Variants in DNAI7 observed in about 807,000 individuals in gnomAD.
The protein encoded by DNAI7 is dynein axonemal intermediate chain 7.
In DNAI7, 78 loss-of-function variants were observed where a neutral mutation model predicts 86.6. The ratio of observed to expected loss-of-function variants is 0.90; its 90% CI spans 0.75 to 1.09. The LOEUF (loss-of-function observed/expected upper bound fraction) is 1.09. Ranked by LOEUF, DNAI7 falls within the 50% of genes least tolerant of loss-of-function variation. The pLI is 0.00. For missense variants in DNAI7, 753 were observed against 810.2 expected (o/e 0.93, Z 0.86); for synonymous variants, 274 against 273.0 (o/e 1.00, Z -0.04).
At chr12:25,123,160 T>C (rs1941581854) in intron 10 of DNAI7, 51 bp downstream of exon 10, 3 of 1,187,272 alleles carry the variant, frequency 2.5e-6, no homozygotes, top group South Asian at 2.8e-5. Flanking sequence ...ATTTCTTCTG[T>C]AAGAAGAAAA....
chr12:25,150,286 C>CA, intron 6 of DNAI7, among the ~76,000 whole-genome samples: 1 of 152,262 alleles, frequency 6.6e-6, no homozygotes, highest in Non-Finnish European at 1.5e-5. Context: ...ACACCTTAAC[C>CA]ATGTGATCAA....
In DNAI7 at chr12:25,166,185, C is replaced by T. The variant is rs866238263; in HGVS notation, c.22-4988G>A. ...AGGATTAAAGTCTGTTATCACTCGCCTGCTACAGCATGGCCTTTTAAAGCC... is the reference window on the plus strand; with the variant it reads ...AGGATTAAAGTCTGTTATCACTCGCTTGCTACAGCATGGCCTTTTAAAGCC... On this transcript the variant is annotated intron_variant, in intron 2 of 15. Transcript: ENST00000395987. Among the ~76,000 whole-genome samples, 118 of 152,316 alleles carry T rather than the reference C, an allele frequency of 7.7e-4. 1 individual carries two copies. Among genetic ancestry groups the T allele is most frequent in the African/African-American group, 2.6e-3 (110 of 41,548 alleles).
chr12:25,151,327 T>C (rs996852776), intron 6 of DNAI7, among the ~76,000 whole-genome samples: 1 of 152,228 alleles, frequency 6.6e-6, no homozygotes, highest in African/African-American at 2.4e-5. Flanking sequence ...TATAAGAGTT[T>C]ATTAAATAAA....
At chr12:25,174,725 C>CAT (rs79323592) in intron 2 of DNAI7, among the ~76,000 whole-genome samples, 5 of 79,082 alleles carry the variant, frequency 6.3e-5, no homozygotes, top group Middle Eastern at 6.0e-3. Flanking sequence ...ATATATATAT[C>CAT]ATATATATAT....
At chr12:25,143,246 A>ATT (rs56888487) in intron 9 of DNAI7, among the ~76,000 whole-genome samples, 9,386 of 129,722 alleles carry the variant, frequency 0.072, 357 homozygotes, top group South Asian at 0.14. Context: ...AGTCTTCATA[A>ATT]TTTTTTTTTT....
intron 2 of DNAI7, among the ~76,000 whole-genome samples, chr12:25,184,979 A>AAAG (rs1565841123): frequency 1.3e-5 from 2 of 150,608 alleles, no homozygotes; most frequent in African/African-American, 4.9e-5. Flanking sequence ...AAAAAAAAAA[A>AAAG]AAAAGAAAGA....
chr12:25,121,678 G>T, intron 11 of DNAI7, 75 bp downstream of exon 11: 4 of 1,195,880 alleles, frequency 3.3e-6, no homozygotes, highest in Non-Finnish European at 3.6e-6. Flanking sequence ...CTTATTAGAT[G>T]TTAGATAATA....
chr12:25,160,947 T>C, intron 3 of DNAI7, 166 bp downstream of exon 3: 2 of 523,784 alleles, frequency 3.8e-6, no homozygotes, highest in Admixed American at 6.6e-5. Context: ...GAGACTGGCA[T>C]GTACTAACAT....
rs1949391537 is a variant in DNAI7, at chr12:25,108,412, G to GTAGAAAATGCAGAT, written c.*122_*135dup. On this transcript the variant is annotated 3_prime_UTR_variant, in exon 16 of 16. Transcript: ENST00000395987. ...ATACTGTTTTTAAAATAAAACTTGA[G>GTAGAAAATGCAGAT]TAGAAAATGCAGATTAGAAAATTTT... The GTAGAAAATGCAGAT allele has an allele frequency of 4.0e-6, 3 of 747,186 alleles. No individual in the cohort carries two copies. Among genetic ancestry groups the GTAGAAAATGCAGAT allele is most frequent in the Non-Finnish European group, 6.0e-6 (3 of 497,532 alleles). 46.3% of individuals were successfully genotyped at this position (747,186 alleles called of 1,614,324 possible). A position where few individuals can be genotyped will look rare whatever the true frequency, so the allele number is the denominator to read the frequency against.
chr12:25,174,427 CATATATA>C (rs1565810792), intron 2 of DNAI7, among the ~76,000 whole-genome samples: 1 of 3,680 alleles, frequency 2.7e-4, no homozygotes, highest in Non-Finnish European at 4.5e-4. Flanking sequence ...ATATATATAT[CATATATA>C]TCATATATAT....
At chr12:25,190,006 AAAG>A (rs71065919) in intron 2 of DNAI7, among the ~76,000 whole-genome samples, 65,469 of 110,732 alleles carry the variant, frequency 0.59, 15,723 homozygotes, top group East Asian at 0.81. Flanking sequence ...AAAAAAAAAA[AAAG>A]CACTTCTAAG....
At chr12:25,161,688 T>C (rs10771177) in intron 2 of DNAI7, among the ~76,000 whole-genome samples, 71,622 of 152,186 alleles carry the variant, frequency 0.47, 17,216 homozygotes, top group East Asian at 0.77. Flanking sequence ...AGGTGGTATT[T>C]AAATCTGTGC....
At chr12:25,179,258 T>C (rs999901806) in intron 2 of DNAI7, among the ~76,000 whole-genome samples, 1 of 152,184 alleles carries the variant, frequency 6.6e-6, no homozygotes, top group Non-Finnish European at 1.5e-5. Context: ...TTTCATGCAC[T>C]GAACTTTGAG....
intron 9 of DNAI7, among the ~76,000 whole-genome samples, chr12:25,141,738 G>C (rs779709546): frequency 4.6e-5 from 7 of 152,086 alleles, no homozygotes; most frequent in Non-Finnish European, 1.0e-4. Flanking sequence ...TCTCAGGCAA[G>C]AGAATTGCTT....
At chr12:25,111,617 A>G (rs563393029) in intron 14 of DNAI7, among the ~76,000 whole-genome samples, 155 bp downstream of exon 14, 1 of 152,280 alleles carries the variant, frequency 6.6e-6, no homozygotes, top group East Asian at 1.9e-4. Flanking sequence ...AAATTAAGAG[A>G]ACCCTGGATT....
At chr12:25,183,325 C>A (rs1220685693) in intron 2 of DNAI7, among the ~76,000 whole-genome samples, 2 of 151,856 alleles carry the variant, frequency 1.3e-5, no homozygotes, top group Non-Finnish European at 2.9e-5. Flanking sequence ...AAAATCCCAG[C>A]ATCATCCAAT....
chr12:25,147,480 C>CCT, intron 7 of DNAI7, among the ~76,000 whole-genome samples: 1 of 150,474 alleles, frequency 6.6e-6, no homozygotes, highest in South Asian at 2.2e-4. Context: ...AATGAGACCA[C>CCT]CCCCATCTCT....
Position 25,194,759 on chromosome 12 carries a change from A to G in DNAI7, c.3+317T>C, listed in dbSNP as rs1950883931. On this transcript the variant is annotated intron_variant, in intron 1 of 15. Coordinates refer to ENST00000395987, the MANE Select transcript of DNAI7 (RefSeq NM_018272.5). ...AGTTGCAATAAGAAAATTTAGTGGGAACGTCTATCACTACTGAAAGTTACT... is the reference window on the plus strand; with the variant it reads ...AGTTGCAATAAGAAAATTTAGTGGGGACGTCTATCACTACTGAAAGTTACT... 5.7e-6 allele frequency: 5 copies of G among 870,332 alleles called. No homozygotes were observed. The South Asian group carries it at 8.6e-5, about 15-fold the overall frequency. 53.9% of individuals were successfully genotyped at this position (870,332 alleles called of 1,614,324 possible).
chr12:25,129,364 G>T (rs544653507), intron 9 of DNAI7, among the ~76,000 whole-genome samples: 1 of 152,198 alleles, frequency 6.6e-6, no homozygotes, highest in East Asian at 1.9e-4. Flanking sequence ...ATCCTCCCGA[G>T]GGCCAGAATG....
Sources: gnomAD v4.1 joint callset for allele counts (sites outside exome capture counted in the v4.1 genomes callset) on GRCh38, gnomAD v4.1.1 for gene constraint, MANE v1.5 for transcripts, NCBI Gene and HGNC (gene_info 2026-07-23, HGNC 2026-07-21) for gene names.